ROBO2: variants seen among roughly 807,000 people sequenced by gnomAD.
ROBO2 encodes the protein roundabout guidance receptor 2, also known as roundabout homolog 2.
A neutral mutation model predicts 160.8 loss-of-function variants in ROBO2; 53 were observed. The observed-to-expected ratio is 0.33, with a 90% CI of 0.26 to 0.41. The LOEUF is 0.41. Among genes scored for constraint, ROBO2 ranks in the 10% least tolerant of loss-of-function variants. The probability of loss-of-function intolerance (pLI) is 1.00; values close to 1 mark genes in which losing one functional copy is unlikely to be tolerated. For missense variants in ROBO2, 1,577 were observed against 1,722.4 expected, an observed-to-expected ratio of 0.92 and a Z score of 1.49; for synonymous variants, 664 against 611.7, an observed-to-expected ratio of 1.09 and a Z score of -1.26.
chr3:77,014,291 A>T (rs2062097992), intron 2 of ROBO2, among the ~76,000 whole-genome samples: 2 of 152,128 alleles, frequency 1.3e-5, no homozygotes, highest in Admixed American at 6.5e-5. Flanking sequence ...TTACTACTTC[A>T]TTTGACATTC....
chr3:76,620,176 C>A (rs927987577), intron 2 of ROBO2, among the ~76,000 whole-genome samples: 1 of 152,086 alleles, frequency 6.6e-6, no homozygotes, highest in African/African-American at 2.4e-5. Flanking sequence ...CTTTGTCCCA[C>A]CAAATGTCAA....
chr3:76,283,822 T>C (rs1032735260), intron 2 of ROBO2, among the ~76,000 whole-genome samples: 2 of 152,022 alleles, frequency 1.3e-5, no homozygotes, highest in African/African-American at 4.8e-5. Flanking sequence ...TGAAAGTTGA[T>C]TATGTTTGTT....
At chr3:77,456,618 C>A (rs1363349695) in intron 2 of ROBO2, among the ~76,000 whole-genome samples, 2 of 152,172 alleles carry the variant, frequency 1.3e-5, no homozygotes, top group Non-Finnish European at 2.9e-5. Flanking sequence ...GCCAAGGCAG[C>A]CATCCAAGTG....
intron 2 of ROBO2, among the ~76,000 whole-genome samples, chr3:77,278,037 T>C (rs1215777030): frequency 5.9e-5 from 9 of 152,182 alleles, no homozygotes; most frequent in African/African-American, 2.2e-4. Flanking sequence ...GTGGTTTTGA[T>C]TTGCAAGGAA....
chr3:76,391,631 C>T (rs1317662329), intron 2 of ROBO2, among the ~76,000 whole-genome samples: 2 of 152,072 alleles, frequency 1.3e-5, no homozygotes, highest in East Asian at 1.9e-4. Flanking sequence ...AAGCAATTCT[C>T]CTGCCTCAGG....
chr3:76,462,527 G>A (rs766679687), intron 2 of ROBO2, among the ~76,000 whole-genome samples: 1 of 151,172 alleles, frequency 6.6e-6, no homozygotes, highest in Non-Finnish European at 1.5e-5. Flanking sequence ...GTATTTTATG[G>A]TGCAATTATA....
chr3:76,725,427 T>A (rs931379950), intron 2 of ROBO2, among the ~76,000 whole-genome samples: 4 of 152,334 alleles, frequency 2.6e-5, no homozygotes, highest in Admixed American at 2.6e-4. Context: ...GAAATTATTA[T>A]GTTCCTTTTG....
chr3:76,395,864 T>A (rs961400426), intron 2 of ROBO2, among the ~76,000 whole-genome samples: 1 of 152,052 alleles, frequency 6.6e-6, no homozygotes, highest in Non-Finnish European at 1.5e-5. Context: ...CAGGACCAGA[T>A]GGATTCACAG....
chr3:76,510,660 A>G lies in ROBO2; in HGVS notation c.109+573058A>G, dbSNP rs376706722. Among the ~76,000 whole-genome samples, 47 of 152,092 alleles carry G rather than the reference A, an allele frequency of 3.1e-4. 2 individuals carry two copies. Among genetic ancestry groups the G allele is most frequent in the South Asian group, 2.7e-3 (13 of 4,826 alleles). On this transcript the variant is annotated intron_variant, in intron 2 of 26. Transcript: ENST00000487694. ...AATTACTTGAACCTGGGAGGCGGAGATTGCAGTGGGTGAGATCCTTCCACT... is the reference window on the plus strand; with the variant it reads ...AATTACTTGAACCTGGGAGGCGGAGGTTGCAGTGGGTGAGATCCTTCCACT...
At chr3:76,960,350 G>T (rs1295228566) in intron 2 of ROBO2, among the ~76,000 whole-genome samples, 1 of 151,994 alleles carries the variant, frequency 6.6e-6, no homozygotes, top group Non-Finnish European at 1.5e-5. Context: ...ATTTCCTATT[G>T]CTATGGGTTG....
intron 2 of ROBO2, among the ~76,000 whole-genome samples, chr3:77,113,672 T>C (rs375881202): frequency 6.6e-6 from 1 of 152,230 alleles, no homozygotes. Flanking sequence ...TTAATCATAC[T>C]TGAGGACTGC....
intron 2 of ROBO2, among the ~76,000 whole-genome samples, chr3:76,590,846 A>G (rs1349014): frequency 0.28 from 42,812 of 152,084 alleles, 7,382 homozygotes; most frequent in East Asian, 0.42. Flanking sequence ...ATAGCTTATT[A>G]AATTATTACT....
chr3:77,642,310 G>C (rs2095361032), intron 24 of ROBO2, among the ~76,000 whole-genome samples: 2 of 152,128 alleles, frequency 1.3e-5, no homozygotes, highest in Non-Finnish European at 2.9e-5. Context: ...AATTTCTAGT[G>C]ATCTTATTTT....
intron 2 of ROBO2, among the ~76,000 whole-genome samples, chr3:77,463,354 C>T (rs2153573454): frequency 6.6e-6 from 1 of 152,144 alleles, no homozygotes; most frequent in South Asian, 2.1e-4. Flanking sequence ...AAAATTTATA[C>T]TTTTAGATTG....
chr3:77,392,392 C>T (rs556081053), intron 2 of ROBO2, among the ~76,000 whole-genome samples: 20 of 152,292 alleles, frequency 1.3e-4, no homozygotes, highest in African/African-American at 4.8e-4. Context: ...TGCATTCTGC[C>T]ATGGATCCAA....
At chr3:77,400,294 G>A (rs1008607340) in intron 2 of ROBO2, among the ~76,000 whole-genome samples, 1 of 152,112 alleles carries the variant, frequency 6.6e-6, no homozygotes, top group Non-Finnish European at 1.5e-5. Context: ...GACAAACAGA[G>A]CTATTAAAAT....
At chr3:77,306,869 G>C (rs754147781) in intron 2 of ROBO2, among the ~76,000 whole-genome samples, 9 of 152,086 alleles carry the variant, frequency 5.9e-5, no homozygotes, top group Non-Finnish European at 1.2e-4. Flanking sequence ...AAAATTAAAT[G>C]TCATGCTAAT....
rs12637495 is a variant in ROBO2, at chr3:75,929,787, C to T, written c.-13-7694C>T. 1.8e-3 allele frequency among the ~76,000 whole-genome samples: 265 copies of T among 150,036 alleles called. 3 individuals carry two copies. Among genetic ancestry groups the T allele is most frequent in the East Asian group, 0.011 (56 of 5,074 alleles). ...TCGGCTCACTGCAACCTCCTCCTCC[C>T]GGTTTCAAGTGATTCTCCTGCCTCA... On this transcript the variant is annotated intron_variant, in intron 1 of 26. Transcript: ENST00000487694.
At chr3:76,261,921 A>G (rs1042638855) in intron 2 of ROBO2, among the ~76,000 whole-genome samples, 2 of 152,166 alleles carry the variant, frequency 1.3e-5, no homozygotes, top group Non-Finnish European at 2.9e-5. Flanking sequence ...TTTTAGATCC[A>G]CATTATATAC....
Sources: gnomAD v4.1 joint callset for allele counts (sites outside exome capture counted in the v4.1 genomes callset) on GRCh38, gnomAD v4.1.1 for gene constraint, MANE v1.5 for transcripts, NCBI Gene and HGNC (gene_info 2026-07-23, HGNC 2026-07-21) for gene names.